The following ATP2B4 variants were observed in gnomAD, a reference collection of about 807,000 sequenced individuals.
ATP2B4 encodes the protein ATPase plasma membrane Ca2+ transporting 4.
A neutral mutation model predicts 110.3 loss-of-function variants in ATP2B4; 39 were observed. The observed-to-expected ratio is 0.35, with a 90% CI of 0.27 to 0.46. ATP2B4 has a LOEUF of 0.46. Ranked by LOEUF, ATP2B4 falls within the 20% of genes least tolerant of loss-of-function variation. ATP2B4 has a pLI of 1.00. For missense variants in ATP2B4, 1,135 were observed against 1,530.9 expected, an observed-to-expected ratio of 0.74 and a Z score of 4.32; for synonymous variants, 538 against 571.7, an observed-to-expected ratio of 0.94 and a Z score of 0.84.
intron 1 of ATP2B4, among the ~76,000 whole-genome samples, chr1:203,633,711 C>CGAT (rs1663346235): frequency 5.1e-5 from 1 of 19,444 alleles, no homozygotes; most frequent in South Asian, 2.1e-3. Context: ...GACTCCATAT[C>CGAT]AGATAAATAA....
At chr1:203,653,455 A>G (rs942756879) in intron 1 of ATP2B4, among the ~76,000 whole-genome samples, 48 of 152,242 alleles carry the variant, frequency 3.2e-4, no homozygotes, top group African/African-American at 1.1e-3. Context: ...TAATGTAGGC[A>G]AAACAGTCTT....
chr1:203,651,794 A>G (rs1173473285), intron 1 of ATP2B4, among the ~76,000 whole-genome samples: 2 of 151,810 alleles, frequency 1.3e-5, no homozygotes, highest in Non-Finnish European at 2.9e-5. Flanking sequence ...ACGGTGGCTC[A>G]TGCCTGTAAT....
At position 203,735,950 on chromosome 1, in the gene ATP2B4, C is replaced by T. The variant is rs570035555; in HGVS notation, c.3310-3596C>T. Among the ~76,000 whole-genome samples the T allele has an allele frequency of 1.2e-3, 186 of 152,254 alleles. 1 individual carries two copies. In the Middle Eastern group the frequency reaches 0.02, roughly 17 times the overall value. ...AGCTGGTAGAGGGTGTGCTCCAAAT[C>T]CTCAAAGACTAGATCAGAGGAGAGA... On this transcript the variant is annotated intron_variant, in intron 20 of 20. Coordinates refer to ENST00000357681, the MANE Select transcript of ATP2B4 (RefSeq NM_001684.5).
In ATP2B4 at chr1:203,719,958, G is replaced by A. The variant is rs374061371; in HGVS notation, c.2407-591G>A. 8.5e-5 allele frequency among the ~76,000 whole-genome samples: 13 copies of A among 152,062 alleles called. No homozygotes were observed. The East Asian group carries it at 1.9e-3, about 23-fold the overall frequency. ...AGGGTGAGCAAATGCCTGTAGTCCC[G>A]TTACTCAGGAGGCCAAGGTGGGAGG... On this transcript the variant is annotated intron_variant, in intron 15 of 20. Transcript: ENST00000357681.
intron 1 of ATP2B4, among the ~76,000 whole-genome samples, chr1:203,630,184 A>T (rs1663219980): frequency 6.6e-6 from 1 of 152,118 alleles, no homozygotes; most frequent in African/African-American, 2.4e-5. Flanking sequence ...GTCCTGGGCC[A>T]GGATATCGGG....
chr1:203,729,544 CAAAA>C (rs5780193), intron 20 of ATP2B4: 520 of 348,268 alleles, frequency 1.5e-3, no homozygotes, highest in South Asian at 2.4e-3. Context: ...GACTCTGTCT[CAAAA>C]AAAAAAAAAA....
intron 20 of ATP2B4, among the ~76,000 whole-genome samples, chr1:203,736,471 C>T (rs371692037): frequency 6.6e-6 from 1 of 151,366 alleles, no homozygotes; most frequent in Admixed American, 6.6e-5. Context: ...TCCATCCCCC[C>T]CAAAAAAAAA....
intron 3 of ATP2B4, 107 bp downstream of exon 3, chr1:203,698,461 C>A: frequency 8.1e-7 from 1 of 1,234,756 alleles, no homozygotes; most frequent in Non-Finnish European, 1.1e-6. Context: ...AAACATTTCC[C>A]CCATTATCCA....
At position 203,740,612 on chromosome 1, in the gene ATP2B4, A is replaced by C. The variant is rs1435982343; in HGVS notation, c.*758A>C. On this transcript the variant is annotated 3_prime_UTR_variant, in exon 21 of 21. Coordinates refer to ENST00000357681, the MANE Select transcript of ATP2B4 (RefSeq NM_001684.5). Reference sequence around the variant, plus strand: ...TTGAAGCAATTAAGTGCTGGTAAGAATATTTCTCTGTTGTTGCCAGGTTAC... The same window carrying C: ...TTGAAGCAATTAAGTGCTGGTAAGACTATTTCTCTGTTGTTGCCAGGTTAC... 1.3e-5 allele frequency: 2 copies of C among 152,156 alleles called. No individual in the cohort carries two copies. The highest frequency in any genetic ancestry group is 4.8e-5 in the African/African-American group (2 of 41,430). 9.4% of individuals were successfully genotyped at this position (152,156 alleles called of 1,614,324 possible).
intron 8 of ATP2B4, 70 bp downstream of exon 8, chr1:203,703,883 T>C (rs778227578): frequency 1.6e-5 from 25 of 1,526,080 alleles, no homozygotes; most frequent in Non-Finnish European, 2.0e-5. Context: ...TATCCCCTTC[T>C]TTCTGCACCG....
chr1:203,667,340 A>G (rs376481631), intron 1 of ATP2B4, among the ~76,000 whole-genome samples: 18 of 152,334 alleles, frequency 1.2e-4, no homozygotes, highest in African/African-American at 3.4e-4. Flanking sequence ...TAATCCTTCT[A>G]CAAGTACATT....
At chr1:203,677,237 T>C (rs1426714265) in intron 1 of ATP2B4, among the ~76,000 whole-genome samples, 1 of 152,124 alleles carries the variant, frequency 6.6e-6, no homozygotes, top group Admixed American at 6.5e-5. Flanking sequence ...CACTACATAA[T>C]ACATAGGGGT....
At position 203,683,224 on chromosome 1, in the gene ATP2B4, C is replaced by A. The variant is rs146234576; in HGVS notation, c.19C>A (p.Arg7Ser). 3,727 of 1,613,910 alleles carry A rather than the reference C, an allele frequency of 2.3e-3. 65 individuals are homozygous for A. Among genetic ancestry groups the A allele is most frequent in the East Asian group, 0.019 (840 of 44,886 alleles). Residue 7 changes from arginine (R) to serine (S), a missense_variant, in exon 2 of 21, where the codon CGT becomes AGT. Around this residue, in one of 9 missense-constraint regions of ATP2B4, gnomAD observed 122 missense variants for 125.2 expected, o/e 0.97. Coordinates refer to ENST00000357681, the MANE Select transcript of ATP2B4 (RefSeq NM_001684.5). MTNPSD[R>S]VLPANSMAES... The stretch of plus-strand genomic sequence containing the variant: ...AGGCAAAATGACGAACCCATCAGAC[C>A]GTGTCTTGCCTGCCAACTCGATGGC...
intron 2 of ATP2B4, among the ~76,000 whole-genome samples, chr1:203,686,688 T>TTG: frequency 8.8e-5 from 10 of 113,930 alleles, no homozygotes; most frequent in African/African-American, 3.0e-4. Context: ...TTTCTTTCTT[T>TTG]TTTTTTTTTT....
At chr1:203,703,164 C>CGAGAGAGAGAGAGA (rs144760902) in intron 7 of ATP2B4, among the ~76,000 whole-genome samples, 21 of 145,250 alleles carry the variant, frequency 1.4e-4, no homozygotes, top group African/African-American at 4.8e-4. Context: ...CCCTGACAAT[C>CGAGAGAGAGAGAGA]GAGAGAGAGA....
In ATP2B4 at chr1:203,702,005, T is replaced by C. The variant is rs185985996; in HGVS notation, c.902-39T>C. 9.3e-6 allele frequency: 15 copies of C among 1,613,298 alleles called. No individual in the cohort carries two copies. In the East Asian group the frequency reaches 3.3e-4, roughly 36 times the overall value. ...AAATTGGATCTCTTAATAGTTACTT[T>C]GGGTTTCGACCCCACTTTTTTCTTT... On this transcript the variant is annotated intron_variant, in intron 6 of 20. Coordinates refer to ENST00000357681, the MANE Select transcript of ATP2B4 (RefSeq NM_001684.5).
At chr1:203,663,452 T>TCA (rs927437127) in intron 1 of ATP2B4, among the ~76,000 whole-genome samples, 13 of 151,862 alleles carry the variant, frequency 8.6e-5, no homozygotes, top group African/African-American at 3.1e-4. Context: ...CACACACACA[T>TCA]CACACATACA....
intron 19 of ATP2B4, among the ~76,000 whole-genome samples, chr1:203,724,917 C>T (rs1169761267): frequency 7.1e-6 from 1 of 140,170 alleles, no homozygotes; most frequent in African/African-American, 2.6e-5. Flanking sequence ...TGCTCTGTCA[C>T]CCAGGCTGGA....
chr1:203,724,436 G>A (rs1666442144), intron 19 of ATP2B4, among the ~76,000 whole-genome samples: 1 of 152,014 alleles, frequency 6.6e-6, no homozygotes, highest in Non-Finnish European at 1.5e-5. Context: ...AGAATGGCGT[G>A]AACCTGGGAG....
Sources: gnomAD v4.1 joint callset for allele counts (sites outside exome capture counted in the v4.1 genomes callset) on GRCh38, gnomAD v4.1.1 for gene constraint, gnomAD v4.1.1 regional missense constraint, MANE v1.5 for transcripts, NCBI Gene and HGNC (gene_info 2026-07-23, HGNC 2026-07-21) for gene names.